EDC3: variants seen among roughly 807,000 people sequenced by gnomAD.
EDC3 encodes enhancer of mRNA decapping 3, also known as enhancer of mRNA-decapping protein 3.
A neutral mutation model predicts 41.8 loss-of-function variants in EDC3; 20 were observed. That is an observed-to-expected ratio of 0.48 (90% CI 0.34 to 0.70). EDC3 has a LOEUF of 0.70. Ranked by LOEUF, EDC3 falls within the 30% of genes least tolerant of loss-of-function variation. The pLI is 0.01. For synonymous variants in EDC3, 206 were observed against 243.2 expected (o/e 0.85, Z 1.42); for missense variants, 444 against 636.8 (o/e 0.70, Z 3.26).
chr15:74,668,569 G>A (rs1420473017), intron 3 of EDC3, among the ~76,000 whole-genome samples: 2 of 151,946 alleles, frequency 1.3e-5, no homozygotes, highest in South Asian at 2.1e-4. Context: ...AAAGTAAAAA[G>A]ACTAGCCAGG....
intron 4 of EDC3, among the ~76,000 whole-genome samples, chr15:74,652,219 CTTATATTTTTCCTTTTTTTTTTTTT>C: frequency 6.6e-6 from 1 of 151,410 alleles, no homozygotes; most frequent in East Asian, 1.9e-4. Context: ...CCCTTCTCTT[CTTATATTTTTCCTTTTTTTTTTTTT>C]TGAGACAGAG....
intron 3 of EDC3, among the ~76,000 whole-genome samples, chr15:74,657,599 A>C (rs972383268): frequency 3.9e-5 from 6 of 152,214 alleles, no homozygotes; most frequent in African/African-American, 1.4e-4. Context: ...GCAGTTGTTT[A>C]AGAGAGAAAT....
chr15:74,647,897 C>A (rs1348664165), intron 4 of EDC3, among the ~76,000 whole-genome samples: 2 of 152,174 alleles, frequency 1.3e-5, no homozygotes, highest in African/African-American at 4.8e-5. Context: ...CAGAACACCA[C>A]CCAGAATTTA....
At position 74,662,355 on chromosome 15, in the gene EDC3, C is replaced by T. The variant is rs771674973; in HGVS notation, c.485-6287G>A. 5.3e-5 allele frequency among the ~76,000 whole-genome samples: 8 copies of T among 151,646 alleles called. No individual in the cohort carries two copies. The South Asian group carries it at 8.3e-4, about 16-fold the overall frequency. ...AATGATGTCATTCATACCTGTCACC[C>T]AACACTATGCCCAGTTCAGCGTAAG... On this transcript the variant is annotated intron_variant, in intron 3 of 6. Transcript: ENST00000315127.
chr15:74,632,165 C>T lies in EDC3; in HGVS notation c.*447G>A. The T allele has an allele frequency of 4.8e-6, 1 of 209,428 alleles. No individual in the cohort carries two copies. Among genetic ancestry groups the T allele is most frequent in the Non-Finnish European group, 9.8e-6 (1 of 101,770 alleles). The allele number at this position is 209,428 out of a possible 1,614,324, so 13.0% of individuals were successfully genotyped here. ...GTGGACAGCTGCCGTGCAGCTGGTT[C>T]TACAGAGGAAGGGCTGTCTGCGTGG... On this transcript the variant is annotated 3_prime_UTR_variant, in exon 7 of 7. Coordinates refer to ENST00000315127, the MANE Select transcript of EDC3 (RefSeq NM_025083.5). The surrounding 1 kb of genome is among the most constrained non-coding windows in gnomAD (Gnocchi z 4.0).
chr15:74,661,744 G>T (rs12916411), intron 3 of EDC3, among the ~76,000 whole-genome samples: 1 of 125,846 alleles, frequency 7.9e-6, no homozygotes, highest in Non-Finnish European at 1.6e-5. Flanking sequence ...AAAAAAAAAA[G>T]AAAAAGAAAA....
chr15:74,684,697 A>C (rs1388880394), intron 1 of EDC3, among the ~76,000 whole-genome samples: 1 of 152,186 alleles, frequency 6.6e-6, no homozygotes, highest in East Asian at 1.9e-4. Context: ...TTGCAATGAC[A>C]TAATTAGCTG....
At chr15:74,679,125 A>G (rs1393898083) in intron 1 of EDC3, among the ~76,000 whole-genome samples, 1 of 152,034 alleles carries the variant, frequency 6.6e-6, no homozygotes. Flanking sequence ...TGAACCCAGG[A>G]GGGGAGGTTG....
chr15:74,694,855 G>A (rs969574942), intron 1 of EDC3, among the ~76,000 whole-genome samples: 8 of 152,000 alleles, frequency 5.3e-5, no homozygotes, highest in African/African-American at 1.7e-4. Context: ...TGCCAAGGAG[G>A]CTCTACCAAG....
intron 1 of EDC3, among the ~76,000 whole-genome samples, chr15:74,686,513 G>A (rs941811742): frequency 2.6e-5 from 4 of 151,474 alleles, no homozygotes; most frequent in South Asian, 2.1e-4. Context: ...GGCCAGCCAC[G>A]GTGGCTCACT....
intron 5 of EDC3, chr15:74,636,174 C>G (rs979881839): frequency 6.4e-5 from 10 of 157,320 alleles, no homozygotes; most frequent in Admixed American, 6.0e-5. Context: ...AATAAGCTCA[C>G]AGCAAGTACC....
chr15:74,659,236 G>T (rs2141622610), intron 3 of EDC3, among the ~76,000 whole-genome samples: 1 of 152,198 alleles, frequency 6.6e-6, no homozygotes, highest in East Asian at 1.9e-4. Flanking sequence ...GCCGAGGTGG[G>T]TGTATCACCT....
intron 6 of EDC3, among the ~76,000 whole-genome samples, chr15:74,633,495 T>C (rs2062237260): frequency 6.6e-6 from 1 of 152,192 alleles, no homozygotes; most frequent in Admixed American, 6.5e-5. Context: ...GTACTCATTA[T>C]CTCACAGGAA....
chr15:74,656,615 A>C (rs1326418663), intron 3 of EDC3, among the ~76,000 whole-genome samples: 4 of 152,242 alleles, frequency 2.6e-5, no homozygotes, highest in Non-Finnish European at 5.9e-5. Flanking sequence ...GGTGGTTTTG[A>C]CATAATGACA....
intron 1 of EDC3, among the ~76,000 whole-genome samples, chr15:74,682,885 G>A (rs956246145): frequency 4.6e-5 from 7 of 152,008 alleles, no homozygotes; most frequent in Non-Finnish European, 8.8e-5. Context: ...AGCTGGGAGC[G>A]GTGGCGCATG....
At chr15:74,658,189 G>A (rs1456884057) in intron 3 of EDC3, among the ~76,000 whole-genome samples, 2 of 152,178 alleles carry the variant, frequency 1.3e-5, no homozygotes, top group Non-Finnish European at 2.9e-5. Flanking sequence ...TAAATAAATG[G>A]AATGTACTTC....
Position 74,675,058 on chromosome 15 carries a change from C to G in EDC3, c.67G>C (p.Gly23Arg). 1 of 1,614,036 alleles carries G rather than the reference C, an allele frequency of 6.2e-7. No homozygotes were observed. The highest frequency in any genetic ancestry group is 8.5e-7 in the Non-Finnish European group (1 of 1,180,034). Reference protein sequence around the residue: ...NCGDSLGVYQGRVSAVDQVSQ... With the variant: ...NCGDSLGVYQRRVSAVDQVSQ... Reference sequence around the variant, plus strand: ...ACCTGATCCACAGCTGACACTCTTCCCTGATAGACACCCAAGCTATCTCCA... The same window carrying G: ...ACCTGATCCACAGCTGACACTCTTCGCTGATAGACACCCAAGCTATCTCCA... Residue 23 changes from glycine (G) to arginine (R), a missense_variant, in exon 2 of 7, where the codon GGA becomes CGA. Coordinates refer to ENST00000315127, the MANE Select transcript of EDC3 (RefSeq NM_025083.5).
intron 1 of EDC3, among the ~76,000 whole-genome samples, chr15:74,685,765 CAT>C (rs1013320134): frequency 2.0e-5 from 3 of 152,096 alleles, no homozygotes; most frequent in African/African-American, 4.8e-5. Context: ...TATAAATACA[CAT>C]GTTAAGCACA....
Position 74,640,459 on chromosome 15 carries a change from CA to C in EDC3, c.974+6del. On this transcript the variant is annotated splice_donor_region_variant and intron_variant, in intron 5 of 6. Transcript: ENST00000315127. Reference sequence around the variant, plus strand: ...CATTGAGTCCCTGCCAGTTTATAGACATTTACCTGTTAGGTCCTCCGAGGAG... The same window carrying C: ...CATTGAGTCCCTGCCAGTTTATAGACTTTACCTGTTAGGTCCTCCGAGGAG... 6.2e-7 allele frequency: 1 copy of C among 1,613,710 alleles called. No homozygotes were observed. The highest frequency in any genetic ancestry group is 1.1e-5 in the South Asian group (1 of 91,074).
Sources: allele counts gnomAD v4.1 joint callset (sites outside exome capture counted in the v4.1 genomes callset), GRCh38; gene constraint gnomAD v4.1.1; non-coding constraint Gnocchi (gnomAD v3.1); transcripts MANE v1.5; gene names NCBI Gene and HGNC (gene_info 2026-07-23, HGNC 2026-07-21).